MAP2K1: variants seen among roughly 807,000 people sequenced by gnomAD.
MAP2K1 encodes mitogen-activated protein kinase kinase 1, also known as dual specificity mitogen-activated protein kinase kinase 1.
A neutral mutation model predicts 46.3 loss-of-function variants in MAP2K1; 16 were observed. The ratio of observed to expected loss-of-function variants is 0.35; its 90% confidence interval spans 0.23 to 0.52. The LOEUF (loss-of-function observed/expected upper bound fraction) is 0.52. Among genes scored for constraint, MAP2K1 ranks in the 20% least tolerant of loss-of-function variants. MAP2K1 has a pLI of 0.94. For synonymous variants in MAP2K1, 183 were observed against 185.6 expected, an observed-to-expected ratio of 0.99 and a Z score of 0.11; for missense variants, 263 against 497.1, an observed-to-expected ratio of 0.53 and a Z score of 4.48.
At chr15:66,394,432 G>A (rs16953563) in intron 1 of MAP2K1, among the ~76,000 whole-genome samples, 30,646 of 138,192 alleles carry the variant, frequency 0.22, 3,808 homozygotes, top group Middle Eastern at 0.36. Context: ...CTCTTTCTGA[G>A]ATGTGTACCA....
intron 1 of MAP2K1, among the ~76,000 whole-genome samples, chr15:66,414,201 T>TTTGCTAGAGCAATTCACGGAA (rs1247496617): frequency 1.3e-5 from 2 of 149,092 alleles, no homozygotes; most frequent in African/African-American, 2.4e-5. Context: ...CTACCCAGAG[T>TTTGCTAGAGCAATTCACGGAA]CAGGCAGACC....
At chr15:66,432,564 T>C (rs2093477466) in intron 1 of MAP2K1, among the ~76,000 whole-genome samples, 1 of 152,234 alleles carries the variant, frequency 6.6e-6, no homozygotes, top group Admixed American at 6.5e-5. Flanking sequence ...GAGACAGGAT[T>C]GTCTCTGGTG....
Position 66,478,965 on chromosome 15 carries a change from TAGAG to T in MAP2K1, c.569-2789_569-2786del, listed in dbSNP as rs1370034957. On this transcript the variant is annotated intron_variant, in intron 5 of 10. Coordinates refer to ENST00000307102, the MANE Select transcript of MAP2K1 (RefSeq NM_002755.4). ...TCAGTGGACAGTAGGTGATGACCGT[TAGAG>T]CATGGCAGCAGGGTGGGTAGAAGAG... Among the ~76,000 whole-genome samples the T allele has an allele frequency of 4.6e-5, 7 of 152,276 alleles. No individual in the cohort carries two copies. The East Asian group carries it at 1.3e-3, about 29-fold the overall frequency.
At chr15:66,414,405 T>C (rs2093419672) in intron 1 of MAP2K1, among the ~76,000 whole-genome samples, 1 of 152,164 alleles carries the variant, frequency 6.6e-6, no homozygotes, top group Non-Finnish European at 1.5e-5. Flanking sequence ...TACAATTTTA[T>C]TATAGCAAAA....
chr15:66,462,223 G>A (rs1250485766), intron 5 of MAP2K1, among the ~76,000 whole-genome samples: 6 of 151,948 alleles, frequency 3.9e-5, no homozygotes, highest in Admixed American at 6.6e-5. Context: ...AGATTGGGGC[G>A]GGGCACAGTG....
intron 5 of MAP2K1, among the ~76,000 whole-genome samples, chr15:66,478,458 GTA>G (rs377507737): frequency 1.7e-4 from 20 of 119,780 alleles, no homozygotes; most frequent in East Asian, 2.1e-4. Context: ...ATATATACAG[GTA>G]TATATATATA....
chr15:66,489,623 C>T lies in MAP2K1; in HGVS notation c.1023-95C>T. 4.3e-6 allele frequency: 4 copies of T among 934,906 alleles called. No individual in the cohort carries two copies. The South Asian group carries it at 5.2e-5, about 12-fold the overall frequency. 57.9% of individuals were successfully genotyped at this position (934,906 alleles called of 1,614,324 possible). A position where few individuals can be genotyped will look rare whatever the true frequency, so the allele number is the denominator to read the frequency against. ...TGAATCAAGCCCAGGCAATCCTCGG[C>T]CTCTAGTGTGCAGAGAAGACAGGCA... On this transcript the variant is annotated intron_variant, in intron 9 of 10. Transcript: ENST00000307102.
intron 1 of MAP2K1, among the ~76,000 whole-genome samples, chr15:66,401,536 G>A (rs1361328204): frequency 6.6e-6 from 1 of 152,152 alleles, no homozygotes; most frequent in Non-Finnish European, 1.5e-5. Flanking sequence ...TCTGGGAGCT[G>A]CAGGTAGGTG....
intron 1 of MAP2K1, among the ~76,000 whole-genome samples, chr15:66,420,773 A>ATG (rs2093437426): frequency 2.8e-5 from 1 of 35,516 alleles, no homozygotes; most frequent in Admixed American, 3.4e-4. Flanking sequence ...GTGTGTATAT[A>ATG]TATGTGTATA....
At chr15:66,407,717 C>T (rs1010697280) in intron 1 of MAP2K1, among the ~76,000 whole-genome samples, 1 of 152,184 alleles carries the variant, frequency 6.6e-6, no homozygotes, top group Non-Finnish European at 1.5e-5. Context: ...TGGCTCATGC[C>T]TGTATTTCCA....
At position 66,461,942 on chromosome 15, in the gene MAP2K1, T is replaced by C. The variant is rs112316957; in HGVS notation, c.568+17235T>C. On this transcript the variant is annotated intron_variant, in intron 5 of 10. Transcript: ENST00000307102. ...CCATCTCCTGGAACTGTCCTCAGGA[T>C]CAGATGAAACTCTGACCAAGTGTTG... Among the ~76,000 whole-genome samples the C allele has an allele frequency of 1.9e-3, 294 of 152,288 alleles. 3 individuals carry two copies. The highest frequency in any genetic ancestry group is 6.6e-3 in the African/African-American group (276 of 41,552).
intron 1 of MAP2K1, among the ~76,000 whole-genome samples, chr15:66,391,929 G>A (rs1203856161): frequency 2.0e-5 from 3 of 152,152 alleles, no homozygotes; most frequent in Non-Finnish European, 4.4e-5. Flanking sequence ...GCATTTCATA[G>A]ACAGGATAGA....
intron 5 of MAP2K1, among the ~76,000 whole-genome samples, chr15:66,466,878 G>C (rs1892482063): frequency 6.6e-6 from 1 of 152,166 alleles, no homozygotes; most frequent in Admixed American, 6.5e-5. Context: ...CATGAGTCAT[G>C]AAAGTTTTTC....
At chr15:66,469,515 G>A (rs1892561282) in intron 5 of MAP2K1, among the ~76,000 whole-genome samples, 1 of 115,314 alleles carries the variant, frequency 8.7e-6, no homozygotes, top group Non-Finnish European at 1.7e-5. Flanking sequence ...GGAACTCCAG[G>A]CTATTATAAA....
intron 1 of MAP2K1, among the ~76,000 whole-genome samples, chr15:66,392,554 C>CTTT (rs71287024): frequency 7.7e-6 from 1 of 129,062 alleles, no homozygotes; most frequent in African/African-American, 2.9e-5. Flanking sequence ...CTTTTCTTTT[C>CTTT]TTTTTTTTTT....
At chr15:66,411,649 T>A (rs1055828925) in intron 1 of MAP2K1, among the ~76,000 whole-genome samples, 1 of 152,202 alleles carries the variant, frequency 6.6e-6, no homozygotes, top group African/African-American at 2.4e-5. Flanking sequence ...TTCAATAGAT[T>A]TTGTTTTCTA....
At chr15:66,458,555 C>T (rs193227378) in intron 5 of MAP2K1, among the ~76,000 whole-genome samples, 92 of 152,306 alleles carry the variant, frequency 6.0e-4, no homozygotes, top group Middle Eastern at 3.4e-3. Context: ...CTCACTCTGT[C>T]GCCCAGGCTG....
chr15:66,387,931 G>GC (rs886238658), intron 1 of MAP2K1, among the ~76,000 whole-genome samples: 5 of 152,216 alleles, frequency 3.3e-5, no homozygotes, highest in Admixed American at 6.5e-5. Context: ...TGCCTGGCCA[G>GC]CGGGGGCGTG....
In MAP2K1 at chr15:66,387,175, C is replaced by A; in HGVS notation, c.-173C>A. The A allele has an allele frequency of 4.0e-6, 2 of 503,128 alleles. No individual in the cohort carries two copies. 31.2% of individuals were successfully genotyped at this position (503,128 alleles called of 1,614,324 possible). ...GGGTGGGGCGGGGGTCCACTGAGAC[C>A]GCTACCGGCCCCTCGGCGCTGACGG... On this transcript the variant is annotated 5_prime_UTR_variant, in exon 1 of 11. Coordinates refer to ENST00000307102, the MANE Select transcript of MAP2K1 (RefSeq NM_002755.4).
Sources: allele counts gnomAD v4.1 joint callset (sites outside exome capture counted in the v4.1 genomes callset), GRCh38; gene constraint gnomAD v4.1.1; transcripts MANE v1.5; gene names NCBI Gene and HGNC (gene_info 2026-07-23, HGNC 2026-07-21).